SDK1: variants seen among roughly 807,000 people sequenced by gnomAD.
The protein encoded by SDK1 is protein sidekick-1.
SDK1 carries 157 observed loss-of-function variants against 245.5 expected under a neutral mutation model. The observed-to-expected ratio is 0.64, with a 90% CI of 0.56 to 0.73. SDK1 has a LOEUF of 0.73. SDK1 is among the 30% of genes least tolerant of loss of function. The probability of loss-of-function intolerance (pLI) is 0.00; values close to 1 mark genes in which losing one functional copy is unlikely to be tolerated. For synonymous variants in SDK1, 1,647 were observed against 1,278.5 expected (o/e 1.29, Z -6.15); for missense variants, 3,583 against 3,002.3 (o/e 1.19, Z -4.52).
chr7:4,111,030 C>G (rs943200560), intron 23 of SDK1, among the ~76,000 whole-genome samples: 3 of 152,086 alleles, frequency 2.0e-5, no homozygotes, highest in African/African-American at 4.8e-5. Flanking sequence ...AGAAATGGCC[C>G]ACTGTTATTA....
chr7:4,065,694 G>GTTGTTGTTTT (rs1779841876), intron 19 of SDK1, among the ~76,000 whole-genome samples: 2 of 66,720 alleles, frequency 3.0e-5, no homozygotes, highest in African/African-American at 6.8e-5. Context: ...AGTGGTTGTT[G>GTTGTTGTTTT]TTTTTTTTTT....
intron 1 of SDK1, among the ~76,000 whole-genome samples, chr7:3,522,394 C>T (rs888779326): frequency 7.9e-5 from 12 of 152,286 alleles, no homozygotes; most frequent in African/African-American, 2.6e-4. Flanking sequence ...AATTCGGAGA[C>T]AATGCCCAAT....
intron 5 of SDK1, among the ~76,000 whole-genome samples, chr7:3,827,959 A>G (rs1033789998): frequency 6.6e-6 from 1 of 152,224 alleles, no homozygotes; most frequent in Non-Finnish European, 1.5e-5. Context: ...TATTAGAACA[A>G]AGCACGTCTG....
chr7:4,057,572 C>T (rs1381399824), intron 19 of SDK1, among the ~76,000 whole-genome samples: 2 of 152,144 alleles, frequency 1.3e-5, no homozygotes, highest in Non-Finnish European at 2.9e-5. Context: ...ACCTGCTTGG[C>T]CCCCTGCAGC....
chr7:3,918,803 G>A (rs1410037160), intron 5 of SDK1, among the ~76,000 whole-genome samples: 1 of 152,058 alleles, frequency 6.6e-6, no homozygotes, highest in Non-Finnish European at 1.5e-5. Context: ...TCTACCGAGA[G>A]ACTTCCTGTC....
At chr7:3,540,780 A>C (rs1345376310) in intron 1 of SDK1, among the ~76,000 whole-genome samples, 2 of 152,222 alleles carry the variant, frequency 1.3e-5, no homozygotes, top group Non-Finnish European at 2.9e-5. Context: ...AGATCATATA[A>C]ATTTTTATGT....
At chr7:3,388,798 C>T (rs1454278329) in intron 1 of SDK1, among the ~76,000 whole-genome samples, 2 of 152,024 alleles carry the variant, frequency 1.3e-5, no homozygotes, top group East Asian at 1.9e-4. Context: ...ACTAAGTCAA[C>T]GTGTGTTTAT....
intron 2 of SDK1, among the ~76,000 whole-genome samples, chr7:3,626,740 C>T (rs1396172712): frequency 1.3e-5 from 2 of 152,138 alleles, no homozygotes; most frequent in African/African-American, 4.8e-5. Flanking sequence ...TTCACCAGCC[C>T]ACTGGCATGA....
chr7:3,392,514 T>A (rs926991580), intron 1 of SDK1, among the ~76,000 whole-genome samples: 1 of 152,142 alleles, frequency 6.6e-6, no homozygotes, highest in African/African-American at 2.4e-5. Context: ...TTCAGTGACA[T>A]TCATTGTATT....
intron 4 of SDK1, among the ~76,000 whole-genome samples, chr7:3,792,084 C>T (rs1781111588): frequency 1.3e-5 from 2 of 152,040 alleles, no homozygotes; most frequent in East Asian, 1.9e-4. Context: ...GTTATGAGTG[C>T]ACCACTGCAC....
intron 1 of SDK1, among the ~76,000 whole-genome samples, chr7:3,467,785 C>A (rs1369035519): frequency 6.6e-6 from 1 of 152,012 alleles, no homozygotes; most frequent in African/African-American, 2.4e-5. Flanking sequence ...GGATAGTGTT[C>A]AATTAAAATT....
chr7:3,753,904 T>A (rs1779845318), intron 4 of SDK1, among the ~76,000 whole-genome samples: 1 of 152,222 alleles, frequency 6.6e-6, no homozygotes, highest in African/African-American at 2.4e-5. Context: ...AATTCAGCAT[T>A]CTCTATAAAA....
chr7:4,233,339 G>A lies in SDK1; in HGVS notation c.5912G>A (p.Gly1971Glu). The change falls in exon 41 of 45, where the codon GGA (glycine) becomes GAA (glutamate). Residue 1971 changes from glycine (G) to glutamate (E), a missense_variant. Gly to Glu is a moderately conservative substitution (Grantham distance 98, BLOSUM62 -2). Coordinates refer to ENST00000404826, the MANE Select transcript of SDK1 (RefSeq NM_152744.4). ...CTCAGCCTGGATAAGCTCCGGCAAGGAGTGACTTACGAGTTCCGGGTGGTG... is the reference window on the plus strand; with the variant it reads ...CTCAGCCTGGATAAGCTCCGGCAAGAAGTGACTTACGAGTTCCGGGTGGTG... ...YTLSLDKLRQ[G>E]VTYEFRVVAV... 1 of 1,613,974 alleles carries A rather than the reference G, an allele frequency of 6.2e-7. No homozygotes were observed. The highest frequency in any genetic ancestry group is 8.5e-7 in the Non-Finnish European group (1 of 1,180,040).
At chr7:4,182,071 C>T (rs1782634549) in intron 35 of SDK1, among the ~76,000 whole-genome samples, 6 of 152,212 alleles carry the variant, frequency 3.9e-5, no homozygotes, top group Non-Finnish European at 8.8e-5. Flanking sequence ...AGGCGCCCGC[C>T]ACCACGCCCA....
chr7:3,536,234 G>T (rs7458030), intron 1 of SDK1, among the ~76,000 whole-genome samples: 13,570 of 91,276 alleles, frequency 0.15, 1,084 homozygotes, highest in African/African-American at 0.29. Flanking sequence ...TTTTTTTTTT[G>T]TGTGTGTGTT....
rs75719751 is a variant in SDK1 at position 3,764,036 on chromosome 7, G to T, written c.714-57414G>T. On this transcript the variant is annotated intron_variant, in intron 4 of 44. Coordinates refer to ENST00000404826, the MANE Select transcript of SDK1 (RefSeq NM_152744.4). ...TTTTGCCATAGAAAATACAGCCTTGGTATGGGGATTTGTGGATGGTCTGGA... is the reference window on the plus strand; with the variant it reads ...TTTTGCCATAGAAAATACAGCCTTGTTATGGGGATTTGTGGATGGTCTGGA... 2.0e-3 allele frequency among the ~76,000 whole-genome samples: 302 copies of T among 152,260 alleles called. 1 individual carries two copies. Among genetic ancestry groups the T allele is most frequent in the African/African-American group, 7.0e-3 (289 of 41,554 alleles).
chr7:3,309,545 A>G (rs948914173), intron 1 of SDK1, among the ~76,000 whole-genome samples: 1 of 40,626 alleles, frequency 2.5e-5, no homozygotes, highest in African/African-American at 7.1e-5. Context: ...TTTTTTTTAC[A>G]TGAGTGTATA....
intron 40 of SDK1, among the ~76,000 whole-genome samples, chr7:4,230,274 G>T (rs370010921): frequency 1.3e-5 from 2 of 151,754 alleles, no homozygotes; most frequent in East Asian, 1.9e-4. Flanking sequence ...TGGATGAATG[G>T]ATGAATGGAT....
At chr7:3,448,345 A>G (rs991049676) in intron 1 of SDK1, among the ~76,000 whole-genome samples, 3 of 151,886 alleles carry the variant, frequency 2.0e-5, no homozygotes, top group African/African-American at 4.8e-5. Context: ...CCATTTTTCT[A>G]TTGAGTTGCC....
Sources: gnomAD v4.1 joint callset for allele counts (sites outside exome capture counted in the v4.1 genomes callset) on GRCh38, gnomAD v4.1.1 for gene constraint, MANE v1.5 for transcripts, NCBI Gene and HGNC (gene_info 2026-07-23, HGNC 2026-07-21) for gene names.